GNL1: variants seen among roughly 807,000 people sequenced by gnomAD.
GNL1 encodes the protein G protein nucleolar 1.
GNL1 carries 21 observed loss-of-function variants against 75.2 expected under a neutral mutation model. The ratio of observed to expected loss-of-function variants is 0.28; its 90% CI spans 0.20 to 0.40. The LOEUF (loss-of-function observed/expected upper bound fraction) is 0.40, where lower values mean the gene tolerates loss of function less well. GNL1 is among the 10% of genes least tolerant of loss of function. The pLI, the probability that GNL1 is intolerant of heterozygous loss-of-function variation, is 1.00. For missense variants in GNL1, 579 were observed against 775.0 expected (o/e 0.75, Z 3.00); for synonymous variants, 287 against 303.4 (o/e 0.95, Z 0.56).
intron 8 of GNL1, among the ~76,000 whole-genome samples, chr6:30,550,555 C>T (rs909002001): frequency 1.3e-5 from 2 of 152,142 alleles, no homozygotes; most frequent in African/African-American, 4.8e-5. Context: ...ACTGAAATAG[C>T]CTCAACTGCT....
In GNL1 at chr6:30,555,907, C is replaced by T. The variant is rs1800138586; in HGVS notation, c.74-187G>A. On this transcript the variant is annotated intron_variant, in intron 1 of 11. Coordinates refer to ENST00000376621, the MANE Select transcript of GNL1 (RefSeq NM_005275.5). This position sits in a 1 kb window ranked among gnomAD's most constrained non-coding sequence, Gnocchi z 4.3. ...TCACTCCTTCAGGGAGCAGTGGGGA[C>T]GGCGCCCCGTGCTAGCTGGAGGGAT... is the stretch of plus-strand genomic sequence containing the variant. 1.3e-6 allele frequency: 1 copy of T among 791,712 alleles called. No homozygotes were observed. 49.0% of individuals were successfully genotyped at this position (791,712 alleles called of 1,614,324 possible).
rs1222083728 is a variant in GNL1 at position 30,547,037 on chromosome 6, G to T, written c.1441+75C>A. On this transcript the variant is annotated intron_variant, in intron 10 of 11. Transcript: ENST00000376621. The surrounding 1 kb of genome is among the most constrained non-coding windows in gnomAD (Gnocchi z 5.5). Reference sequence around the variant, plus strand: ...CTCTGAGGAGAGGAAAGGAGACAGGGAAGGGTAAAAGGCGAGGCAGGTAAG... The same window carrying T: ...CTCTGAGGAGAGGAAAGGAGACAGGTAAGGGTAAAAGGCGAGGCAGGTAAG... The T allele has an allele frequency of 1.5e-6, 2 of 1,351,862 alleles. No homozygotes were observed. The highest frequency in any genetic ancestry group is 2.1e-6 in the Non-Finnish European group (2 of 944,820). 83.7% of individuals were successfully genotyped at this position (1,351,862 alleles called of 1,614,324 possible).
Position 30,548,322 on chromosome 6 carries a change from T to C in GNL1, c.1100-792A>G, listed in dbSNP as rs779399499. Among the ~76,000 whole-genome samples, 20 of 152,056 alleles carry C rather than the reference T, an allele frequency of 1.3e-4. No individual in the cohort carries two copies. The highest frequency in any genetic ancestry group is 2.4e-4 in the Non-Finnish European group (16 of 68,014). On this transcript the variant is annotated intron_variant, in intron 8 of 11. Transcript: ENST00000376621. This position sits in a 1 kb window ranked among gnomAD's most constrained non-coding sequence, Gnocchi z 4.2. ...CTTCATCTCCCTTCCACAGAGCATC[T>C]CCTTTACCCCACCTCAGCTGCCCAC...
intron 8 of GNL1, among the ~76,000 whole-genome samples, chr6:30,550,473 G>A (rs1017466306): frequency 1.3e-5 from 2 of 151,942 alleles, no homozygotes; most frequent in Non-Finnish European, 2.9e-5. Context: ...AATATATCAT[G>A]CTTCCGGCCC....
rs953226480 is a variant in GNL1, at chr6:30,548,663, C to T, written c.1100-1133G>A. Reference sequence around the variant, plus strand: ...AATCCCAACCCTGTAAAATCCAGCTCTGCCCATTCAGCACTGCTCCTGGGC... The same window carrying T: ...AATCCCAACCCTGTAAAATCCAGCTTTGCCCATTCAGCACTGCTCCTGGGC... On this transcript the variant is annotated intron_variant, in intron 8 of 11. Transcript: ENST00000376621. The surrounding 1 kb of genome is among the most constrained non-coding windows in gnomAD (Gnocchi z 4.2). Among the ~76,000 whole-genome samples the T allele has an allele frequency of 5.3e-5, 8 of 152,154 alleles. No homozygotes were observed. The highest frequency in any genetic ancestry group is 1.2e-4 in the Non-Finnish European group (8 of 68,028).
In GNL1 at chr6:30,546,426, G is replaced by A; in HGVS notation, c.1583-113C>T. On this transcript the variant is annotated intron_variant, in intron 11 of 11. Transcript: ENST00000376621. The surrounding 1 kb of genome is among the most constrained non-coding windows in gnomAD (Gnocchi z 5.1). ...AATAACAATAATCTTTAGAGCTGCT[G>A]GCATTCATTCATTCATCCATTCATT... The A allele has an allele frequency of 1.4e-6, 1 of 727,956 alleles. No individual in the cohort carries two copies. Among genetic ancestry groups the A allele is most frequent in the South Asian group, 1.6e-5 (1 of 61,456 alleles). 45.1% of individuals were successfully genotyped at this position (727,956 alleles called of 1,614,324 possible). A position where few individuals can be genotyped will look rare whatever the true frequency, so the allele number is the denominator to read the frequency against.
At position 30,543,080 on chromosome 6, in the gene GNL1, G is replaced by A. The variant is rs950614508; in HGVS notation, c.*2992C>T. 2 of 152,368 alleles carry A rather than the reference G, an allele frequency of 1.3e-5. No individual in the cohort carries two copies. The highest frequency in any genetic ancestry group is 4.8e-5 in the African/African-American group (2 of 41,434). The allele number at this position is 152,368 out of a possible 1,614,324, so 9.4% of individuals were successfully genotyped here. A position where few individuals can be genotyped will look rare whatever the true frequency, so the allele number is the denominator to read the frequency against. On this transcript the variant is annotated 3_prime_UTR_variant, in exon 12 of 12. Transcript: ENST00000376621. ...AACTCCTGTCCAGCATTTGGCCTCA[G>A]CATGGACATCTGTTCCTCTAGGACG...
At chr6:30,553,314 C>T (rs780489835) in intron 6 of GNL1, 36 bp downstream of exon 6, 4 of 1,561,016 alleles carry the variant, frequency 2.6e-6, no homozygotes, top group East Asian at 4.5e-5. Context: ...TGCCAACTCA[C>T]CTCTCCCAAG....
chr6:30,553,126 C>T lies in GNL1; in HGVS notation c.862G>A (p.Glu288Lys). 1 of 1,613,972 alleles carries T rather than the reference C, an allele frequency of 6.2e-7. No individual in the cohort carries two copies. ...GCTTCACAGGCTCTCAGCAACTGCT[C>T]TGGCCCCAGGGCCCGAGTCCATCCT... Reference protein sequence around the residue: ...GRGWTRALGPEQLLRACEAIT... With the variant: ...GRGWTRALGPKQLLRACEAIT... Residue 288 changes from glutamate (E) to lysine (K), a missense_variant, in exon 7 of 12, where the codon GAG becomes AAG. Coordinates refer to ENST00000376621, the MANE Select transcript of GNL1 (RefSeq NM_005275.5).
chr6:30,547,661 G>A lies in GNL1; in HGVS notation c.1100-131C>T, dbSNP rs923802973. Reference sequence around the variant, plus strand: ...AATGGTATTGCAGAATACAAATCACGCTCTGGGCTGCCAGGGTTAAATCCT... The same window carrying A: ...AATGGTATTGCAGAATACAAATCACACTCTGGGCTGCCAGGGTTAAATCCT... On this transcript the variant is annotated intron_variant, in intron 8 of 11. Coordinates refer to ENST00000376621, the MANE Select transcript of GNL1 (RefSeq NM_005275.5). This position sits in a 1 kb window ranked among gnomAD's most constrained non-coding sequence, Gnocchi z 5.5. 7.8e-6 allele frequency: 6 copies of A among 765,760 alleles called. No individual in the cohort carries two copies. The highest frequency in any genetic ancestry group is 5.7e-5 in the East Asian group (2 of 35,172). 47.4% of individuals were successfully genotyped at this position (765,760 alleles called of 1,614,324 possible). A position where few individuals can be genotyped will look rare whatever the true frequency, so the allele number is the denominator to read the frequency against.
intron 5 of GNL1, among the ~76,000 whole-genome samples, chr6:30,554,011 T>C (rs1304383217): frequency 6.6e-6 from 1 of 152,232 alleles, no homozygotes; most frequent in Non-Finnish European, 1.5e-5. Flanking sequence ...CTGTGTATAT[T>C]GATGTGCACA....
chr6:30,554,700 G>C, intron 4 of GNL1, 54 bp from the exon 5 acceptor site: 1 of 1,595,656 alleles, frequency 6.3e-7, no homozygotes, highest in Non-Finnish European at 8.6e-7. Flanking sequence ...TCTCCAGCCT[G>C]ATCCCAAACC....
chr6:30,550,223 C>G (rs771622778), intron 8 of GNL1, among the ~76,000 whole-genome samples: 42 of 152,298 alleles, frequency 2.8e-4, no homozygotes, highest in Non-Finnish European at 5.1e-4. Flanking sequence ...CTCCCCTAAG[C>G]TGCTGACTAC....
Position 30,556,302 on chromosome 6 carries a change from G to C in GNL1, c.-99C>G, listed in dbSNP as rs377713234. On this transcript the variant is annotated 5_prime_UTR_variant, in exon 1 of 12. Coordinates refer to ENST00000376621, the MANE Select transcript of GNL1 (RefSeq NM_005275.5). The surrounding 1 kb of genome is among the most constrained non-coding windows in gnomAD (Gnocchi z 5.7). Reference sequence around the variant, plus strand: ...CCCGCCGCAGGGGCCCGGGACCCTAGAGGAGGCGGGGCTAGCAGGTGACGT... The same window carrying C: ...CCCGCCGCAGGGGCCCGGGACCCTACAGGAGGCGGGGCTAGCAGGTGACGT... The C allele has an allele frequency of 4.3e-6, 6 of 1,393,622 alleles. No homozygotes were observed. Among genetic ancestry groups the C allele is most frequent in the Non-Finnish European group, 6.0e-6 (6 of 1,002,338 alleles). The allele number at this position is 1,393,622 out of a possible 1,614,324, so 86.3% of individuals were successfully genotyped here. A position where few individuals can be genotyped will look rare whatever the true frequency, so the allele number is the denominator to read the frequency against.
Position 30,546,487 on chromosome 6 carries a change from T to C in GNL1, c.1583-174A>G, listed in dbSNP as rs1199893983. The C allele has an allele frequency of 2.5e-5, 17 of 668,684 alleles. No homozygotes were observed. In the Admixed American group the frequency reaches 2.6e-4, roughly 10 times the overall value. The allele number at this position is 668,684 out of a possible 1,614,324, so 41.4% of individuals were successfully genotyped here. ...TGTGCAGATTGCTGAACAGAACCTT[T>C]GTGCACATCAACTTCAATCTTTACA... On this transcript the variant is annotated intron_variant, in intron 11 of 11. Transcript: ENST00000376621. This position sits in a 1 kb window ranked among gnomAD's most constrained non-coding sequence, Gnocchi z 5.1.
chr6:30,555,528 G>A lies in GNL1; in HGVS notation c.239+27C>T, dbSNP rs750063414. 6 of 1,594,710 alleles carry A rather than the reference G, an allele frequency of 3.8e-6. No individual in the cohort carries two copies. In the African/African-American group the frequency reaches 5.4e-5, roughly 14 times the overall value. ...TGACTTCCGGGTAGGCGGGAAAGCC[G>A]GGACCAGCGCCCCCTCCCACCCTCA... is the stretch of plus-strand genomic sequence containing the variant. On this transcript the variant is annotated intron_variant, in intron 2 of 11. Coordinates refer to ENST00000376621, the MANE Select transcript of GNL1 (RefSeq NM_005275.5). The surrounding 1 kb of genome is among the most constrained non-coding windows in gnomAD (Gnocchi z 4.3).
At position 30,546,353 on chromosome 6, in the gene GNL1, G is replaced by C. The variant is rs369449835; in HGVS notation, c.1583-40C>G. The C allele has an allele frequency of 9.3e-5, 121 of 1,306,020 alleles. No homozygotes were observed. The African/African-American group carries it at 1.6e-3, about 17-fold the overall frequency. 80.9% of individuals were successfully genotyped at this position (1,306,020 alleles called of 1,614,324 possible). On this transcript the variant is annotated intron_variant, in intron 11 of 11. Coordinates refer to ENST00000376621, the MANE Select transcript of GNL1 (RefSeq NM_005275.5). This position sits in a 1 kb window ranked among gnomAD's most constrained non-coding sequence, Gnocchi z 5.1. ...CAAGAAAAAAATGGAGGAGAGTTTT[G>C]AGCAAGAACTAAAGCCAAGGAAAGA...
At position 30,546,016 on chromosome 6, in the gene GNL1, C is replaced by A; in HGVS notation, c.*56G>T. 2 of 1,282,360 alleles carry A rather than the reference C, an allele frequency of 1.6e-6. No individual in the cohort carries two copies. The highest frequency in any genetic ancestry group is 2.4e-5 in the East Asian group (1 of 41,042). The allele number at this position is 1,282,360 out of a possible 1,614,324, so 79.4% of individuals were successfully genotyped here. A position where few individuals can be genotyped will look rare whatever the true frequency, so the allele number is the denominator to read the frequency against. On this transcript the variant is annotated 3_prime_UTR_variant, in exon 12 of 12. Coordinates refer to ENST00000376621, the MANE Select transcript of GNL1 (RefSeq NM_005275.5). The surrounding 1 kb of genome is among the most constrained non-coding windows in gnomAD (Gnocchi z 5.1). ...TTGGGGTGGCAGAGGGGAGATACCC[C>A]CAGGTCAGTCCAAAAGCAAAGATAC...
chr6:30,553,594 G>A (rs1582511792), intron 5 of GNL1, 37 bp from the exon 6 acceptor site: 1 of 1,479,112 alleles, frequency 6.8e-7, no homozygotes, highest in South Asian at 1.1e-5. Context: ...AGCAGTGAAA[G>A]TCAACCCAGA....
Sources: allele counts gnomAD v4.1 joint callset (sites outside exome capture counted in the v4.1 genomes callset), GRCh38; gene constraint gnomAD v4.1.1; non-coding constraint Gnocchi (gnomAD v3.1); transcripts MANE v1.5; gene names NCBI Gene and HGNC (gene_info 2026-07-23, HGNC 2026-07-21).